BTBD7: variants seen among roughly 807,000 people sequenced by gnomAD.
BTBD7 encodes the protein BTB/POZ domain-containing protein 7.
A neutral mutation model predicts 99.9 loss-of-function variants in BTBD7; 38 were observed. That is an observed-to-expected ratio of 0.38 (90% confidence interval 0.29 to 0.50). BTBD7 has a LOEUF of 0.50. BTBD7 is among the 20% of genes least tolerant of loss of function. The pLI is 0.93. For synonymous variants in BTBD7, 520 were observed against 511.4 expected, an observed-to-expected ratio of 1.02 and a Z score of -0.23; for missense variants, 1,170 against 1,394.6, an observed-to-expected ratio of 0.84 and a Z score of 2.57.
chr14:93,245,676 C>T (rs2052295730), intron 10 of BTBD7, 149 bp downstream of exon 10: 1 of 1,418,266 alleles, frequency 7.1e-7, no homozygotes, highest in Middle Eastern at 2.6e-4. Flanking sequence ...GTTTTTCCCT[C>T]TTTTCCATAC....
At chr14:93,332,098 A>T (rs954994351) in intron 1 of BTBD7, among the ~76,000 whole-genome samples, 1 of 152,194 alleles carries the variant, frequency 6.6e-6, no homozygotes, top group Non-Finnish European at 1.5e-5. Flanking sequence ...CACTCCTCAG[A>T]GTTTCTTGAA....
chr14:93,332,132 T>C (rs2053437063), intron 1 of BTBD7, among the ~76,000 whole-genome samples: 1 of 152,162 alleles, frequency 6.6e-6, no homozygotes, highest in Non-Finnish European at 1.5e-5. Flanking sequence ...GTTCTCACCC[T>C]CGGGGTAAAG....
intron 1 of BTBD7, among the ~76,000 whole-genome samples, chr14:93,317,022 T>C (rs1425265445): frequency 6.6e-6 from 1 of 152,178 alleles, no homozygotes; most frequent in African/African-American, 2.4e-5. Flanking sequence ...ATTCATCCTT[T>C]CCAAACTTAA....
At chr14:93,264,245 A>G (rs921398630) in intron 3 of BTBD7, among the ~76,000 whole-genome samples, 1 of 152,326 alleles carries the variant, frequency 6.6e-6, no homozygotes, top group South Asian at 2.1e-4. Context: ...CAAGATAATA[A>G]ACATCTATGT....
chr14:93,296,214 G>A (rs2052924953), intron 1 of BTBD7, 57 bp from the exon 2 acceptor site: 1 of 1,215,724 alleles, frequency 8.2e-7, no homozygotes, highest in Non-Finnish European at 1.0e-6. Flanking sequence ...TCAGATCACA[G>A]TTTTTTTTAA....
In BTBD7 at chr14:93,245,884, C is replaced by T; in HGVS notation, c.2524G>A (p.Ala842Thr). The change falls in exon 10 of 11, where the codon GCC becomes ACC. Residue 842 changes from alanine to threonine, a missense_variant. Physicochemically the swap from Ala to Thr is moderately conservative, Grantham distance 58. Around this residue, in one of 4 missense-constraint regions of BTBD7, gnomAD observed 495 missense variants for 525.9 expected, o/e 0.94. Coordinates refer to ENST00000334746, the MANE Select transcript of BTBD7 (RefSeq NM_001002860.4). Reference sequence around the variant, plus strand: ...GTTGCTGTTGAGGTGGTGGTGGCGGCAGCAGCAGCCACCGTCTGTCTGCCC... The same window carrying T: ...GTTGCTGTTGAGGTGGTGGTGGCGGTAGCAGCAGCCACCGTCTGTCTGCCC... ...GLGRQTVAAA[A>T]ATTTSTATAA... 1 of 1,612,870 alleles carries T rather than the reference C, an allele frequency of 6.2e-7. No homozygotes were observed. Among genetic ancestry groups the T allele is most frequent in the Non-Finnish European group, 8.5e-7 (1 of 1,179,720 alleles).
At position 93,310,229 on chromosome 14, in the gene BTBD7, GA is replaced by G. The variant is rs1164955777; in HGVS notation, c.-106-14073del. ...ATATTTCCATATTTACCTCTAAAAGGATGTAAAGCAACTACAGACTATCATA... is the reference window on the plus strand; with the variant it reads ...ATATTTCCATATTTACCTCTAAAAGGTGTAAAGCAACTACAGACTATCATA... On this transcript the variant is annotated intron_variant, in intron 1 of 10. Coordinates refer to ENST00000334746, the MANE Select transcript of BTBD7 (RefSeq NM_001002860.4). Among the ~76,000 whole-genome samples, 13 of 152,208 alleles carry G rather than the reference GA, an allele frequency of 8.5e-5. No homozygotes were observed. The East Asian group carries it at 2.5e-3, about 29-fold the overall frequency.
chr14:93,277,423 T>C (rs911254641), intron 3 of BTBD7, among the ~76,000 whole-genome samples: 10 of 152,170 alleles, frequency 6.6e-5, no homozygotes, highest in Admixed American at 5.9e-4. Flanking sequence ...GAGCTAACTC[T>C]GGGACCTACA....
rs376126920 is a variant in BTBD7, at chr14:93,294,724, T to C, written c.296A>G (p.Asn99Ser). The C allele has an allele frequency of 1.5e-4, 241 of 1,614,112 alleles. No individual in the cohort carries two copies. In the East Asian group the frequency reaches 3.6e-3, roughly 24 times the overall value. The change falls in exon 3 of 11, where the codon AAT (asparagine) becomes AGT (serine). Residue 99 changes from asparagine (N) to serine (S), a missense_variant. By Grantham distance (46) the Asn-to-Ser change is conservative (BLOSUM62 1). This residue lies in a region of BTBD7 where 359 missense variants were observed against 497.9 expected (regional missense o/e 0.72). Coordinates refer to ENST00000334746, the MANE Select transcript of BTBD7 (RefSeq NM_001002860.4). ...LLSGWDVRDV[N>S]ALVEEYEGTS... ...TCCCTCATATTCCTCCACTAATGCA[T>C]TGACATCTCTAACATCCCACCCAGA...
chr14:93,274,531 C>A (rs1458502157), intron 3 of BTBD7, among the ~76,000 whole-genome samples: 3 of 152,200 alleles, frequency 2.0e-5, no homozygotes, highest in Admixed American at 2.0e-4. Context: ...TTTCTTCCCT[C>A]TGGAAGACAA....
intron 3 of BTBD7, chr14:93,288,790 G>A (rs2052811543): frequency 6.4e-7 from 1 of 1,558,708 alleles, no homozygotes; most frequent in Non-Finnish European, 8.6e-7. Flanking sequence ...CAAAACATCA[G>A]TATCTGTAAG....
intron 1 of BTBD7, among the ~76,000 whole-genome samples, chr14:93,319,454 A>C (rs948662931): frequency 1.3e-5 from 2 of 152,224 alleles, no homozygotes; most frequent in Non-Finnish European, 1.5e-5. Flanking sequence ...AGAAGAAGGA[A>C]ATATGGTGAC....
intron 3 of BTBD7, among the ~76,000 whole-genome samples, chr14:93,274,779 A>T (rs2052637457): frequency 1.3e-5 from 2 of 152,340 alleles, no homozygotes; most frequent in South Asian, 4.1e-4. Context: ...GAGCAGATAC[A>T]AAAATCTACA....
At chr14:93,329,105 G>A (rs1566869166) in intron 1 of BTBD7, among the ~76,000 whole-genome samples, 1 of 152,052 alleles carries the variant, frequency 6.6e-6, no homozygotes, top group East Asian at 1.9e-4. Context: ...CCTACAGAAT[G>A]GGAGAAAACA....
At chr14:93,265,409 C>T (rs1360445580) in intron 3 of BTBD7, among the ~76,000 whole-genome samples, 1 of 152,250 alleles carries the variant, frequency 6.6e-6, no homozygotes, top group East Asian at 1.9e-4. Flanking sequence ...GTAAGCACCA[C>T]AAGATAGGGA....
In BTBD7 at chr14:93,317,838, T is replaced by C. The variant is rs1249964221; in HGVS notation, c.-107+14982A>G. On this transcript the variant is annotated intron_variant, in intron 1 of 10. Coordinates refer to ENST00000334746, the MANE Select transcript of BTBD7 (RefSeq NM_001002860.4). ...TGCTTTCCTTCTGGGAGCTTGGAAT[T>C]TGGTACAAGCTAGACAGAGGGTGCC... 3.9e-5 allele frequency among the ~76,000 whole-genome samples: 6 copies of C among 152,196 alleles called. No individual in the cohort carries two copies. In the East Asian group the frequency reaches 9.6e-4, roughly 24 times the overall value.
In BTBD7 at chr14:93,264,022, A is replaced by G. The variant is rs1222830171; in HGVS notation, c.1163-29T>C. ...AAAGAGAAGGCAAATACTTCTTGAG[A>G]TTAATCATAAATATTACTTATTGAA... On this transcript the variant is annotated intron_variant, in intron 3 of 10. Coordinates refer to ENST00000334746, the MANE Select transcript of BTBD7 (RefSeq NM_001002860.4). 3 of 1,577,644 alleles carry G rather than the reference A, an allele frequency of 1.9e-6. No individual in the cohort carries two copies. The African/African-American group carries it at 4.0e-5, about 21-fold the overall frequency.
intron 10 of BTBD7, chr14:93,244,095 C>T (rs2052271434): frequency 4.1e-6 from 2 of 484,146 alleles, no homozygotes; most frequent in Non-Finnish European, 8.2e-6. Context: ...AGAGGAAGGG[C>T]AAGGATTCTC....
intron 1 of BTBD7, among the ~76,000 whole-genome samples, chr14:93,308,596 G>C (rs1394207088): frequency 6.6e-6 from 1 of 152,176 alleles, no homozygotes; most frequent in Non-Finnish European, 1.5e-5. Context: ...AAAGGTAGAA[G>C]CAACTCAGGT....
Sources: gnomAD v4.1 joint callset for allele counts (sites outside exome capture counted in the v4.1 genomes callset) on GRCh38, gnomAD v4.1.1 for gene constraint, gnomAD v4.1.1 regional missense constraint, MANE v1.5 for transcripts, NCBI Gene and HGNC (gene_info 2026-07-23, HGNC 2026-07-21) for gene names.